TBX15: variants seen among roughly 807,000 people sequenced by gnomAD.
The protein encoded by TBX15 is T-box transcription factor 15.
Under a neutral mutation model 53.9 loss-of-function variants are expected in TBX15, and 18 were observed. The observed-to-expected ratio is 0.33, with a 90% CI of 0.23 to 0.49. TBX15 has a LOEUF of 0.49. Ranked by LOEUF, TBX15 falls within the 20% of genes least tolerant of loss-of-function variation. The pLI is 0.98. For missense variants in TBX15, 692 were observed against 749.5 expected (o/e 0.92, Z 0.90); for synonymous variants, 295 against 278.0 (o/e 1.06, Z -0.61).
intron 7 of TBX15, among the ~76,000 whole-genome samples, chr1:118,891,650 C>T (rs753690615): frequency 2.0e-5 from 3 of 152,084 alleles, no homozygotes; most frequent in Non-Finnish European, 2.9e-5. Context: ...TGGTAGAAAT[C>T]TTAGGAGAAA....
intron 7 of TBX15, among the ~76,000 whole-genome samples, chr1:118,893,365 GA>G (rs1553218143): frequency 1.7e-4 from 11 of 63,580 alleles, no homozygotes; most frequent in African/African-American, 6.4e-4. Context: ...AGGAAAGAAA[GA>G]AAGAAAGAAA....
At chr1:118,985,387 C>T (rs1164693512) in intron 1 of TBX15, among the ~76,000 whole-genome samples, 1 of 152,222 alleles carries the variant, frequency 6.6e-6, no homozygotes, top group African/African-American at 2.4e-5. Flanking sequence ...CACCCCCAGC[C>T]CTGGTCGCGC....
intron 7 of TBX15, among the ~76,000 whole-genome samples, chr1:118,893,378 A>AAAG (rs1654245194): frequency 7.4e-6 from 1 of 134,910 alleles, no homozygotes. Flanking sequence ...AGAAAGAAAG[A>AAAG]AAGAAAGAAA....
chr1:118,946,764 CAT>C (rs1656359358), intron 1 of TBX15, among the ~76,000 whole-genome samples: 1 of 152,104 alleles, frequency 6.6e-6, no homozygotes, highest in African/African-American at 2.4e-5. Context: ...CACACATACA[CAT>C]ATATATAAGT....
chr1:118,966,092 AAAG>A (rs1050768502), intron 1 of TBX15, among the ~76,000 whole-genome samples: 42 of 152,326 alleles, frequency 2.8e-4, no homozygotes, highest in African/African-American at 9.9e-4. Flanking sequence ...TATAAGTAAA[AAAG>A]AAGAATAAGT....
Position 118,885,060 on chromosome 1 carries a change from T to G in TBX15, c.1481A>C (p.His494Pro). 1 of 1,614,056 alleles carries G rather than the reference T, an allele frequency of 6.2e-7. No individual in the cohort carries two copies. Among genetic ancestry groups the G allele is most frequent in the Non-Finnish European group, 8.5e-7 (1 of 1,180,006 alleles). The stretch of plus-strand genomic sequence containing the variant: ...CTGCATGTGGCTGCCCCCGAACATG[T>G]GTGGTGATGAGGAGCTGGAGGCAGC... ...GNAASSSSSP[H>P]MFGGSHMQQS... The change falls in exon 8 of 8, where the codon CAC becomes CCC. Residue 494 changes from histidine to proline, a missense_variant. Physicochemically the swap from His to Pro is moderately conservative, Grantham distance 77 (BLOSUM62 -2). Coordinates refer to ENST00000369429, the MANE Select transcript of TBX15 (RefSeq NM_001330677.2).
chr1:118,929,109 C>A (rs533889955), intron 2 of TBX15, among the ~76,000 whole-genome samples: 20 of 152,260 alleles, frequency 1.3e-4, no homozygotes, highest in African/African-American at 4.6e-4. Context: ...TAGGCCAGTT[C>A]TTTTGTCTTC....
chr1:118,945,193 T>C (rs1258813634), intron 1 of TBX15, among the ~76,000 whole-genome samples: 3 of 152,150 alleles, frequency 2.0e-5, no homozygotes, highest in African/African-American at 7.2e-5. Flanking sequence ...CTACCAGACA[T>C]TGCCAGTGAA....
intron 1 of TBX15, among the ~76,000 whole-genome samples, chr1:118,946,818 A>G (rs1656360583): frequency 6.6e-6 from 1 of 152,220 alleles, no homozygotes; most frequent in Admixed American, 6.5e-5. Context: ...ACTTGGGGAA[A>G]GTAGATGAAT....
At chr1:118,936,532 T>C (rs1423175700) in intron 1 of TBX15, among the ~76,000 whole-genome samples, 1 of 152,056 alleles carries the variant, frequency 6.6e-6, no homozygotes, top group Non-Finnish European at 1.5e-5. Flanking sequence ...GGGGTGGGGG[T>C]ATAAGATATC....
chr1:118,956,111 C>A (rs565334361), intron 1 of TBX15, among the ~76,000 whole-genome samples: 34 of 152,284 alleles, frequency 2.2e-4, no homozygotes, highest in African/African-American at 7.9e-4. Flanking sequence ...AGGCCCTCAC[C>A]AGACACCAAA....
chr1:118,929,232 G>A (rs1655702262), intron 2 of TBX15, among the ~76,000 whole-genome samples: 2 of 152,210 alleles, frequency 1.3e-5, no homozygotes, highest in African/African-American at 2.4e-5. Context: ...GAATCAATAG[G>A]ATCACAGTTT....
At chr1:118,979,917 A>G (rs1205689143) in intron 1 of TBX15, among the ~76,000 whole-genome samples, 1 of 152,166 alleles carries the variant, frequency 6.6e-6, no homozygotes, top group Admixed American at 6.5e-5. Flanking sequence ...GAGGCCTCGC[A>G]GCCAAGCCGC....
intron 1 of TBX15, among the ~76,000 whole-genome samples, chr1:118,953,334 T>C (rs941409000): frequency 6.6e-6 from 1 of 152,142 alleles, no homozygotes; most frequent in Non-Finnish European, 1.5e-5. Context: ...AAATAGAATG[T>C]ACAAATAAGA....
intron 6 of TBX15, among the ~76,000 whole-genome samples, chr1:118,903,334 G>A (rs1359368280): frequency 6.6e-6 from 1 of 151,944 alleles, no homozygotes; most frequent in African/African-American, 2.4e-5. Flanking sequence ...TCAGACTACA[G>A]AAAAAAACAT....
At chr1:118,967,243 C>T (rs1360364772) in intron 1 of TBX15, among the ~76,000 whole-genome samples, 2 of 152,196 alleles carry the variant, frequency 1.3e-5, no homozygotes, top group Non-Finnish European at 2.9e-5. Flanking sequence ...TATTGACCTT[C>T]ACGTGCAGAT....
At chr1:118,941,169 T>C (rs1656165575) in intron 1 of TBX15, among the ~76,000 whole-genome samples, 1 of 152,186 alleles carries the variant, frequency 6.6e-6, no homozygotes, top group South Asian at 2.1e-4. Flanking sequence ...GCCACTGTCA[T>C]AGCACCATTG....
At chr1:118,979,079 T>C (rs554901266) in intron 1 of TBX15, among the ~76,000 whole-genome samples, 2 of 152,200 alleles carry the variant, frequency 1.3e-5, no homozygotes, top group Non-Finnish European at 2.9e-5. Context: ...GGAGCAAGGA[T>C]GCATCGGGAC....
chr1:118,909,409 T>C (rs1216409360), intron 6 of TBX15, among the ~76,000 whole-genome samples: 2 of 152,200 alleles, frequency 1.3e-5, no homozygotes, highest in Non-Finnish European at 1.5e-5. Context: ...GGAATGTATG[T>C]TCTGCAGGCA....
Sources: gnomAD v4.1 joint callset for allele counts (sites outside exome capture counted in the v4.1 genomes callset) on GRCh38, gnomAD v4.1.1 for gene constraint, MANE v1.5 for transcripts, NCBI Gene and HGNC (gene_info 2026-07-23, HGNC 2026-07-21) for gene names.